The following CEP63 variants were observed in gnomAD, a reference collection of about 807,000 sequenced individuals.
The protein encoded by CEP63 is centrosomal protein 63.
CEP63 carries 84 observed loss-of-function variants against 89.1 expected under a neutral mutation model. That is an observed-to-expected ratio of 0.94 (90% CI 0.79 to 1.13). CEP63 has a LOEUF of 1.13. CEP63 is among the 50% of genes most tolerant of loss of function. CEP63 has a pLI of 0.00. For synonymous variants in CEP63, 267 were observed against 272.5 expected (o/e 0.98, Z 0.20); for missense variants, 838 against 813.3 (o/e 1.03, Z -0.37).
At chr3:134,489,609 G>T (rs1936939363) in intron 1 of CEP63, among the ~76,000 whole-genome samples, 1 of 152,050 alleles carries the variant, frequency 6.6e-6, no homozygotes, top group African/African-American at 2.4e-5. Flanking sequence ...TTGCATTAGA[G>T]GTTGCAACGT....
At chr3:134,715,157 T>C in the CEP63 span, among the ~76,000 whole-genome samples, 1 of 152,160 alleles carries the variant, frequency 6.6e-6, no homozygotes, top group Non-Finnish European at 1.5e-5. Flanking sequence ...ATTCTTCTTG[T>C]CCAATTATCA....
the CEP63 span, chr3:134,650,803 A>T: frequency 7.1e-6 from 11 of 1,550,198 alleles, no homozygotes; most frequent in Non-Finnish European, 9.6e-6. Flanking sequence ...GGACCCGGGG[A>T]CCCGGGTCGG....
the CEP63 span, among the ~76,000 whole-genome samples, chr3:134,654,362 T>C: frequency 6.6e-6 from 1 of 152,340 alleles, no homozygotes; most frequent in East Asian, 1.9e-4. Context: ...TTTACCACTC[T>C]TGGGATTCCA....
At chr3:134,510,518 G>T in intron 3 of CEP63, 3 of 387,236 alleles carry the variant, frequency 7.7e-6, no homozygotes, top group Admixed American at 4.4e-5. Context: ...CCTTTTTTCT[G>T]GTATTTTATT....
At position 134,507,676 on chromosome 3, in the gene CEP63, CTT is replaced by C. The variant is rs1402900653; in HGVS notation, c.222+393_222+394del. On this transcript the variant is annotated intron_variant, in intron 3 of 14. Transcript: ENST00000675561. Reference sequence around the variant, plus strand: ...AAGTTCCAGATTAAAGAATTTGCCTCTTTTGGTTAGATTTAAAACAAAGTTAA... The same window carrying C: ...AAGTTCCAGATTAAAGAATTTGCCTCTTGGTTAGATTTAAAACAAAGTTAA... 3.3e-5 allele frequency among the ~76,000 whole-genome samples: 5 copies of C among 151,874 alleles called. 1 individual carries two copies. The highest frequency in any genetic ancestry group is 1.3e-4 in the Admixed American group (2 of 15,232).
chr3:134,537,387 C>T, intron 6 of CEP63, 119 bp downstream of exon 6: 2 of 708,370 alleles, frequency 2.8e-6, no homozygotes, highest in South Asian at 1.5e-5. Flanking sequence ...ACGAACCCTG[C>T]TCTCTTGTTT....
chr3:134,710,273 C>T, the CEP63 span, among the ~76,000 whole-genome samples: 4 of 152,172 alleles, frequency 2.6e-5, no homozygotes, highest in Non-Finnish European at 5.9e-5. Flanking sequence ...TGAGGCCAAC[C>T]AGGAAAAAGG....
the CEP63 span, among the ~76,000 whole-genome samples, chr3:134,721,256 A>T: frequency 1.6e-5 from 2 of 123,198 alleles, no homozygotes; most frequent in African/African-American, 9.9e-5. Flanking sequence ...AGCTTTTTTA[A>T]AAAAAATTCT....
the CEP63 span, among the ~76,000 whole-genome samples, chr3:134,692,469 T>C: frequency 2.0e-5 from 3 of 152,158 alleles, no homozygotes; most frequent in African/African-American, 7.2e-5. Context: ...TGCATAGTAT[T>C]CCATGGTGTA....
intron 1 of CEP63, among the ~76,000 whole-genome samples, chr3:134,489,595 G>A (rs148196042): frequency 4.9e-4 from 75 of 152,214 alleles, no homozygotes; most frequent in African/African-American, 1.8e-3. Flanking sequence ...GCCTGTATCC[G>A]TTATTGCATT....
chr3:134,701,207 CGT>C, the CEP63 span, among the ~76,000 whole-genome samples: 16 of 5,930 alleles, frequency 2.7e-3, no homozygotes, highest in East Asian at 0.15. Flanking sequence ...CACATATATA[CGT>C]ATATATGTGT....
At chr3:134,545,124 C>T (rs1275281503) in intron 6 of CEP63, among the ~76,000 whole-genome samples, 2 of 152,064 alleles carry the variant, frequency 1.3e-5, no homozygotes, top group East Asian at 1.9e-4. Context: ...CTCCCGATCC[C>T]GAGTAGCTGG....
At chr3:134,694,874 G>A in the CEP63 span, among the ~76,000 whole-genome samples, 7 of 152,290 alleles carry the variant, frequency 4.6e-5, no homozygotes, top group Admixed American at 2.6e-4. Context: ...AGAACCAAGC[G>A]TTTGCTGTGT....
intron 1 of CEP63, among the ~76,000 whole-genome samples, chr3:134,489,307 C>T (rs1936842636): frequency 6.6e-6 from 1 of 152,148 alleles, no homozygotes; most frequent in African/African-American, 2.4e-5. Flanking sequence ...TTGAACAGCA[C>T]TGCTCTAGAA....
chr3:134,550,187 GT>G lies in CEP63; in HGVS notation c.1309del (p.Ser437LeufsTer21). On this transcript the variant is annotated frameshift_variant, in exon 11 of 15. Coordinates refer to ENST00000675561, the MANE Select transcript of CEP63 (RefSeq NM_001353108.3). LOFTEE classifies it high-confidence loss of function. ...GATATCACTATTGCTTCCACCAAAG[GT>G]TCTTCCTCAGACATGGAAAAGCGAC... ...QRDITIASTK[G>X]SSSDMEKRLR... is the part of the protein sequence containing the mutation. 6.2e-7 allele frequency: 1 copy of G among 1,612,020 alleles called. No homozygotes were observed. Among genetic ancestry groups the G allele is most frequent in the Non-Finnish European group, 8.5e-7 (1 of 1,178,964 alleles).
At chr3:134,553,244 A>G (rs1955311152) in intron 12 of CEP63, 1 of 152,146 alleles carries the variant, frequency 6.6e-6, no homozygotes, top group African/African-American at 2.4e-5. Context: ...AGACTATTAT[A>G]GAGTACCTTA....
the CEP63 span, among the ~76,000 whole-genome samples, chr3:134,622,699 A>G: frequency 6.6e-6 from 1 of 152,330 alleles, no homozygotes; most frequent in Non-Finnish European, 1.5e-5. Context: ...TTTATGATAA[A>G]AAAAGAACAA....
At chr3:134,523,773 A>G (rs762610222) in intron 3 of CEP63, among the ~76,000 whole-genome samples, 50 of 151,816 alleles carry the variant, frequency 3.3e-4, no homozygotes, top group Non-Finnish European at 5.3e-4. Flanking sequence ...CCAGTGCCAT[A>G]CTGTTTTGGT....
At chr3:134,498,789 G>GT (rs1370162149) in intron 2 of CEP63, among the ~76,000 whole-genome samples, 1 of 152,096 alleles carries the variant, frequency 6.6e-6, no homozygotes, top group Non-Finnish European at 1.5e-5. Context: ...TGCTTTTTCT[G>GT]TATCTGTTGA....
Sources: gnomAD v4.1 joint callset for allele counts (sites outside exome capture counted in the v4.1 genomes callset) on GRCh38, gnomAD v4.1.1 for gene constraint, MANE v1.5 for transcripts, NCBI Gene and HGNC (gene_info 2026-07-23, HGNC 2026-07-21) for gene names.